Variants in IMPA1 observed in about 807,000 individuals in gnomAD.
The protein encoded by IMPA1 is D-galactose 1-phosphate phosphatase.
A neutral mutation model predicts 34.9 loss-of-function variants in IMPA1; 21 were observed. The observed-to-expected ratio is 0.60, with a 90% CI of 0.43 to 0.87. The LOEUF (loss-of-function observed/expected upper bound fraction) is 0.87. Ranked by LOEUF, IMPA1 falls within the 40% of genes least tolerant of loss-of-function variation. The pLI, the probability that IMPA1 is intolerant of heterozygous loss-of-function variation, is 0.00. For synonymous variants in IMPA1, 95 were observed against 104.4 expected, an observed-to-expected ratio of 0.91 and a Z score of 0.55; for missense variants, 299 against 336.4, an observed-to-expected ratio of 0.89 and a Z score of 0.87.
At position 81,657,031 on chromosome 8, in the gene IMPA1, C is replaced by T. The variant is rs1293705306; in HGVS notation, c.*2320G>A. Among the ~76,000 whole-genome samples, 1 of 152,100 alleles carries T rather than the reference C, an allele frequency of 6.6e-6. No individual in the cohort carries two copies. The highest frequency in any genetic ancestry group is 1.5e-5 in the Non-Finnish European group (1 of 68,018). On this transcript the variant is annotated 3_prime_UTR_variant, in exon 9 of 9. Coordinates refer to ENST00000256108, the MANE Select transcript of IMPA1 (RefSeq NM_005536.4). ...ATAATATACCCTGATACAAAATATA[C>T]ATGTTAAGTCTAAGAAGTCCTGTTA... is the stretch of plus-strand genomic sequence containing the variant.
At chr8:81,685,556 A>C (rs1034277253) in intron 1 of IMPA1, among the ~76,000 whole-genome samples, 17 of 146,016 alleles carry the variant, frequency 1.2e-4, no homozygotes, top group African/African-American at 3.0e-4. Context: ...AAGTATATTT[A>C]TGTACTATAT....
intron 5 of IMPA1, 105 bp from the exon 6 acceptor site, chr8:81,674,054 C>A: frequency 1.5e-6 from 1 of 675,866 alleles, no homozygotes; most frequent in South Asian, 1.7e-5. Flanking sequence ...TAACAATGGA[C>A]TGAAATGGCT....
chr8:81,681,138 G>A (rs1376810149), intron 2 of IMPA1, among the ~76,000 whole-genome samples: 2 of 152,142 alleles, frequency 1.3e-5, no homozygotes, highest in Non-Finnish European at 2.9e-5. Flanking sequence ...GTTCACGCAC[G>A]TAATCCCAGC....
chr8:81,673,092 A>G (rs1807036559), intron 6 of IMPA1, among the ~76,000 whole-genome samples: 3 of 152,320 alleles, frequency 2.0e-5, no homozygotes, highest in South Asian at 2.1e-4. Flanking sequence ...CAATTTGCCC[A>G]CAAGGAAATT....
chr8:81,665,558 T>G (rs1806797865), intron 7 of IMPA1, among the ~76,000 whole-genome samples: 2 of 151,960 alleles, frequency 1.3e-5, no homozygotes, highest in South Asian at 4.1e-4. Context: ...ATAACAGAAG[T>G]GCACTAGTAC....
At chr8:81,685,979 G>A (rs1453364328) in intron 1 of IMPA1, 3 of 1,464,844 alleles carry the variant, frequency 2.0e-6, no homozygotes, top group Non-Finnish European at 2.7e-6. Flanking sequence ...CGGAGTTGGG[G>A]ACATAAAAAG....
intron 7 of IMPA1, among the ~76,000 whole-genome samples, chr8:81,669,640 A>AT (rs1336131200): frequency 5.9e-5 from 9 of 152,198 alleles, no homozygotes; most frequent in Non-Finnish European, 1.3e-4. Flanking sequence ...AGGCTCACAA[A>AT]TGAGACTGTG....
chr8:81,683,891 C>G (rs892926202), intron 1 of IMPA1, among the ~76,000 whole-genome samples: 8 of 152,152 alleles, frequency 5.3e-5, no homozygotes, highest in African/African-American at 1.9e-4. Context: ...CAAGGACTGT[C>G]CATTCGGATT....
chr8:81,672,242 G>T, intron 6 of IMPA1, among the ~76,000 whole-genome samples: 1 of 152,200 alleles, frequency 6.6e-6, no homozygotes, highest in East Asian at 1.9e-4. Context: ...GAAAATGTTT[G>T]GTGTGGTTTA....
intron 4 of IMPA1, among the ~76,000 whole-genome samples, 196 bp downstream of exon 4, chr8:81,678,930 T>C (rs1807211773): frequency 6.6e-6 from 1 of 152,186 alleles, no homozygotes; most frequent in Non-Finnish European, 1.5e-5. Flanking sequence ...TTAGTATTTC[T>C]TTACCTCCTC....
chr8:81,659,520 A>G (rs1806603439), intron 8 of IMPA1, 54 bp from the exon 9 acceptor site: 1 of 1,005,286 alleles, frequency 9.9e-7, no homozygotes, highest in Non-Finnish European at 1.6e-6. Context: ...AATAATTCAT[A>G]TAAAACAAGT....
At chr8:81,685,149 T>C (rs1807465795) in intron 1 of IMPA1, among the ~76,000 whole-genome samples, 1 of 135,988 alleles carries the variant, frequency 7.4e-6, no homozygotes, top group South Asian at 2.3e-4. Flanking sequence ...ATATAGTATA[T>C]ATACTATACA....
At chr8:81,685,264 G>GATACTATATATAGTATATATAGTATAT (rs1807473609) in intron 1 of IMPA1, among the ~76,000 whole-genome samples, 1 of 97,830 alleles carries the variant, frequency 1.0e-5, no homozygotes, top group Non-Finnish European at 1.9e-5. Context: ...CATAAGTATA[G>GATACTATATATAGTATATATAGTATAT]ATACTATATA....
At chr8:81,675,741 C>A (rs1205727741) in intron 5 of IMPA1, among the ~76,000 whole-genome samples, 2 of 152,196 alleles carry the variant, frequency 1.3e-5, no homozygotes, top group African/African-American at 4.8e-5. Flanking sequence ...ATGTTTTATT[C>A]TGCTAGGCTT....
At chr8:81,660,929 G>A (rs2130239333) in intron 7 of IMPA1, among the ~76,000 whole-genome samples, 1 of 151,978 alleles carries the variant, frequency 6.6e-6, no homozygotes, top group Non-Finnish European at 1.5e-5. Context: ...AAAAAATAAA[G>A]ACAATGCTTA....
At chr8:81,685,782 T>G (rs1411065903) in intron 1 of IMPA1, 1 of 1,540,458 alleles carries the variant, frequency 6.5e-7, no homozygotes. Flanking sequence ...CCCAAAGCCA[T>G]AAACACCTGA....
Position 81,659,461 on chromosome 8 carries a change from G to T in IMPA1, c.724C>A (p.Pro242Thr). 6.3e-7 allele frequency: 1 copy of T among 1,577,310 alleles called. No individual in the cohort carries two copies. The highest frequency in any genetic ancestry group is 8.7e-7 in the Non-Finnish European group (1 of 1,148,262). Residue 242 changes from proline to threonine, a missense_variant, in exon 9 of 9, where the codon CCA becomes ACA. By Grantham distance (38) the Pro-to-Thr change is conservative. Transcript: ENST00000256108. ...GGVLMDVTGG[P>T]FDLMSRRVIA... is the part of the protein sequence containing the mutation. The stretch of plus-strand genomic sequence containing the variant: ...ACTCTTCGTGACATCAAATCAAATG[G>T]TCCACCTAAAAGCAAACAAGTATGA...
intron 8 of IMPA1, among the ~76,000 whole-genome samples, chr8:81,659,874 T>C (rs1188005958): frequency 2.6e-5 from 4 of 152,140 alleles, no homozygotes; most frequent in Non-Finnish European, 4.4e-5. Flanking sequence ...GGTTTAAAAT[T>C]TTCACCATCA....
In IMPA1 at chr8:81,659,300, G is replaced by C. The variant is rs756855526; in HGVS notation, c.*51C>G. 1 of 979,636 alleles carries C rather than the reference G, an allele frequency of 1.0e-6. No homozygotes were observed. Among genetic ancestry groups the C allele is most frequent in the Non-Finnish European group, 1.7e-6 (1 of 601,828 alleles). 60.7% of individuals were successfully genotyped at this position (979,636 alleles called of 1,614,324 possible). A position where few individuals can be genotyped will look rare whatever the true frequency, so the allele number is the denominator to read the frequency against. ...ATCCAAAACACATATCCATTGATGA[G>C]TCACCAAATCTGGGGAAAAGCAACT... On this transcript the variant is annotated 3_prime_UTR_variant, in exon 9 of 9. Transcript: ENST00000256108.
Sources: gnomAD v4.1 joint callset for allele counts (sites outside exome capture counted in the v4.1 genomes callset) on GRCh38, gnomAD v4.1.1 for gene constraint, MANE v1.5 for transcripts, NCBI Gene and HGNC (gene_info 2026-07-23, HGNC 2026-07-21) for gene names.